Variants in IL15 observed in about 807,000 individuals in gnomAD.
IL15 encodes the protein interleukin 15.
IL15 carries 11 observed loss-of-function variants against 19.6 expected under a neutral mutation model. That is an observed-to-expected ratio of 0.56 (90% CI 0.35 to 0.93). IL15 has a LOEUF of 0.93. Among genes scored for constraint, IL15 ranks in the 40% least tolerant of loss-of-function variants. The probability of loss-of-function intolerance (pLI) is 0.01; values close to 1 mark genes in which losing one functional copy is unlikely to be tolerated. For synonymous variants in IL15, 58 were observed against 59.6 expected, an observed-to-expected ratio of 0.97 and a Z score of 0.12; for missense variants, 197 against 186.5, an observed-to-expected ratio of 1.06 and a Z score of -0.33.
rs1314441611 is a variant in IL15, at chr4:141,719,072, G to T, written c.-99-294G>T. ...TTTTACTTTTTACTAGTATGACTCT[G>T]GAATTTTTCAATTCAGGGAAATAAT... On this transcript the variant is annotated intron_variant, in intron 2 of 7. Coordinates refer to ENST00000320650, the MANE Select transcript of IL15 (RefSeq NM_000585.5). 2 of 168,482 alleles carry T rather than the reference G, an allele frequency of 1.2e-5. 1 individual carries two copies. Among genetic ancestry groups the T allele is most frequent in the African/African-American group, 4.7e-5 (2 of 42,168 alleles). The allele number at this position is 168,482 out of a possible 1,614,324, so 10.4% of individuals were successfully genotyped here.
intron 2 of IL15, among the ~76,000 whole-genome samples, chr4:141,678,048 C>T (rs1728406157): frequency 6.6e-6 from 1 of 152,150 alleles, no homozygotes. Context: ...GATATGGAAA[C>T]CAGTCTTAGT....
chr4:141,646,661 G>A (rs568912769), intron 1 of IL15, among the ~76,000 whole-genome samples: 6 of 152,170 alleles, frequency 3.9e-5, no homozygotes, highest in African/African-American at 1.4e-4. Context: ...TTCCTCAAAA[G>A]GGAATAAATA....
chr4:141,702,766 C>T (rs1328815413), intron 2 of IL15, among the ~76,000 whole-genome samples: 1 of 152,156 alleles, frequency 6.6e-6, no homozygotes, highest in African/African-American at 2.4e-5. Context: ...CTTTAAGTTG[C>T]CCAGGGGAAT....
At chr4:141,680,161 G>A (rs1394610693) in intron 2 of IL15, among the ~76,000 whole-genome samples, 1 of 152,188 alleles carries the variant, frequency 6.6e-6, no homozygotes, top group East Asian at 1.9e-4. Flanking sequence ...CATCCTGTCA[G>A]TACGTGGCTT....
chr4:141,697,566 T>C (rs1230876493), intron 2 of IL15, among the ~76,000 whole-genome samples: 1 of 152,128 alleles, frequency 6.6e-6, no homozygotes, highest in East Asian at 1.9e-4. Flanking sequence ...GGTATTTTGA[T>C]GGGAATTGCA....
chr4:141,672,633 T>C (rs1728211635), intron 2 of IL15, among the ~76,000 whole-genome samples: 1 of 152,230 alleles, frequency 6.6e-6, no homozygotes, highest in African/African-American at 2.4e-5. Flanking sequence ...AAGGGTATTC[T>C]AAACTTTTGA....
intron 2 of IL15, among the ~76,000 whole-genome samples, chr4:141,681,223 G>T (rs139177877): frequency 6.6e-6 from 1 of 151,452 alleles, no homozygotes; most frequent in Non-Finnish European, 1.5e-5. Context: ...TATAAGATGC[G>T]CTGTGAAACA....
At chr4:141,717,626 A>G (rs1215264281) in intron 2 of IL15, 1 of 151,708 alleles carries the variant, frequency 6.6e-6, no homozygotes, top group African/African-American at 2.4e-5. Context: ...GCAGCAGAAA[A>G]TGGATTCAGG....
intron 1 of IL15, among the ~76,000 whole-genome samples, chr4:141,650,869 A>G (rs1312595278): frequency 6.6e-6 from 1 of 152,068 alleles, no homozygotes; most frequent in Non-Finnish European, 1.5e-5. Flanking sequence ...GTACCTTGCT[A>G]GTGTCACATA....
At chr4:141,724,792 A>G (rs1408343816) in intron 5 of IL15, among the ~76,000 whole-genome samples, 1 of 152,154 alleles carries the variant, frequency 6.6e-6, no homozygotes, top group Non-Finnish European at 1.5e-5. Context: ...CACTAAATAC[A>G]TTGAATTCAT....
chr4:141,657,497 CAACTT>C (rs560061288), intron 2 of IL15, among the ~76,000 whole-genome samples: 49 of 152,112 alleles, frequency 3.2e-4, no homozygotes, highest in African/African-American at 9.9e-4. Context: ...TGTAATAACA[CAACTT>C]AAAGCACAAA....
chr4:141,692,673 T>C (rs936368651), intron 2 of IL15, among the ~76,000 whole-genome samples: 1 of 152,064 alleles, frequency 6.6e-6, no homozygotes, highest in Non-Finnish European at 1.5e-5. Flanking sequence ...AAAGTGACCT[T>C]TACTCCAGTT....
intron 2 of IL15, among the ~76,000 whole-genome samples, chr4:141,695,920 GTTTCC>G (rs1729078021): frequency 1.3e-5 from 2 of 151,892 alleles, no homozygotes; most frequent in African/African-American, 4.8e-5. Context: ...TCTGTTAATA[GTTTCC>G]TTTGCTGTTC....
At chr4:141,700,001 C>A (rs1024914306) in intron 2 of IL15, among the ~76,000 whole-genome samples, 2 of 151,918 alleles carry the variant, frequency 1.3e-5, no homozygotes, top group Non-Finnish European at 2.9e-5. Context: ...TCACTGCAAT[C>A]CCCATCTCCC....
intron 2 of IL15, among the ~76,000 whole-genome samples, chr4:141,712,546 C>A (rs1298195394): frequency 1.3e-5 from 2 of 150,538 alleles, no homozygotes; most frequent in African/African-American, 2.4e-5. Flanking sequence ...CCCTTGTTTA[C>A]CTTAAACAAT....
chr4:141,705,321 C>A (rs889213972), intron 2 of IL15, among the ~76,000 whole-genome samples: 3 of 151,552 alleles, frequency 2.0e-5, no homozygotes, highest in Non-Finnish European at 3.0e-5. Flanking sequence ...TTCACTTTTA[C>A]TTCCCTCATT....
At chr4:141,637,883 TG>T (rs1485959920) in intron 1 of IL15, among the ~76,000 whole-genome samples, 1 of 152,214 alleles carries the variant, frequency 6.6e-6, no homozygotes, top group African/African-American at 2.4e-5. Flanking sequence ...GCTGAATTTT[TG>T]CTCAGGTATT....
chr4:141,719,865 A>C (rs1730015528), intron 3 of IL15, among the ~76,000 whole-genome samples: 1 of 152,170 alleles, frequency 6.6e-6, no homozygotes, highest in South Asian at 2.1e-4. Flanking sequence ...AAGCTTCGAC[A>C]ACACAAAAGA....
intron 1 of IL15, among the ~76,000 whole-genome samples, chr4:141,654,864 G>A (rs1333879832): frequency 1.3e-5 from 2 of 152,076 alleles, no homozygotes; most frequent in Non-Finnish European, 2.9e-5. Flanking sequence ...GTTTGCTGGA[G>A]AAGCTAGCTT....
Sources: gnomAD v4.1 joint callset for allele counts (sites outside exome capture counted in the v4.1 genomes callset) on GRCh38, gnomAD v4.1.1 for gene constraint, MANE v1.5 for transcripts, NCBI Gene and HGNC (gene_info 2026-07-23, HGNC 2026-07-21) for gene names.